Variants in GRIK3 observed in about 807,000 individuals in gnomAD.
The protein encoded by GRIK3 is glutamate ionotropic receptor kainate type subunit 3.
A neutral mutation model predicts 102.5 loss-of-function variants in GRIK3; 29 were observed. The ratio of observed to expected loss-of-function variants is 0.28; its 90% confidence interval spans 0.21 to 0.39. GRIK3 has a LOEUF of 0.39. GRIK3 is among the 10% of genes least tolerant of loss of function. GRIK3 has a pLI of 1.00. For missense variants in GRIK3, 908 were observed against 1,252.4 expected, an observed-to-expected ratio of 0.73 and a Z score of 4.15; for synonymous variants, 511 against 504.9, an observed-to-expected ratio of 1.01 and a Z score of -0.16.
chr1:36,947,612 AC>A (rs1236170208), intron 1 of GRIK3, among the ~76,000 whole-genome samples: 2 of 152,012 alleles, frequency 1.3e-5, no homozygotes, highest in Non-Finnish European at 2.9e-5. Flanking sequence ...ATTTCAGCTT[AC>A]ATGTCATCTT....
intron 9 of GRIK3, among the ~76,000 whole-genome samples, 163 bp from the exon 10 acceptor site, chr1:36,842,102 C>T (rs1391687987): frequency 6.6e-6 from 1 of 152,124 alleles, no homozygotes; most frequent in African/African-American, 2.4e-5. Flanking sequence ...AAGCACATGT[C>T]CTGAGAGCCA....
chr1:36,982,029 C>T (rs1305046969), intron 1 of GRIK3, among the ~76,000 whole-genome samples: 3 of 152,204 alleles, frequency 2.0e-5, no homozygotes, highest in Non-Finnish European at 1.5e-5. Context: ...CCTCCCCAGG[C>T]ACCCAGCGCT....
chr1:36,851,364 G>T (rs1378172395), intron 8 of GRIK3, among the ~76,000 whole-genome samples: 1 of 152,262 alleles, frequency 6.6e-6, no homozygotes, highest in African/African-American at 2.4e-5. Context: ...GAGTAGCTGT[G>T]TTTGGGAGCT....
chr1:36,994,387 A>C (rs190923687), intron 1 of GRIK3, among the ~76,000 whole-genome samples: 1 of 152,354 alleles, frequency 6.6e-6, no homozygotes, highest in East Asian at 1.9e-4. Context: ...TTTATCAAAC[A>C]ATTTACAAAT....
chr1:36,987,794 T>C (rs1642321826), intron 1 of GRIK3, among the ~76,000 whole-genome samples: 1 of 152,088 alleles, frequency 6.6e-6, no homozygotes, highest in Admixed American at 6.5e-5. Flanking sequence ...TGGGCTGTCC[T>C]CTGAGATGAG....
At chr1:36,937,409 C>T (rs535615592) in intron 1 of GRIK3, among the ~76,000 whole-genome samples, 4 of 152,304 alleles carry the variant, frequency 2.6e-5, no homozygotes, top group Admixed American at 2.6e-4. Context: ...GGACTCAGTT[C>T]TGCAGTCTAA....
intron 1 of GRIK3, among the ~76,000 whole-genome samples, chr1:36,997,553 G>A (rs1183193109): frequency 6.6e-6 from 1 of 152,206 alleles, no homozygotes; most frequent in African/African-American, 2.4e-5. Context: ...ACCCAGGTGG[G>A]TCAGGTTGCA....
At chr1:36,951,312 A>G (rs371918606) in intron 1 of GRIK3, among the ~76,000 whole-genome samples, 1 of 152,256 alleles carries the variant, frequency 6.6e-6, no homozygotes, top group African/African-American at 2.4e-5. Context: ...GATCACGATC[A>G]AGGACAATAC....
intron 1 of GRIK3, among the ~76,000 whole-genome samples, chr1:36,925,806 G>A (rs1035168342): frequency 1.3e-5 from 2 of 152,236 alleles, no homozygotes; most frequent in Non-Finnish European, 2.9e-5. Flanking sequence ...CTCAGTGCTG[G>A]TGTAGTGGGA....
At chr1:36,941,656 G>A (rs1570811515) in intron 1 of GRIK3, among the ~76,000 whole-genome samples, 1 of 152,220 alleles carries the variant, frequency 6.6e-6, no homozygotes. Context: ...GGTGTGGCTT[G>A]TATTCAATAG....
intron 1 of GRIK3, among the ~76,000 whole-genome samples, chr1:36,964,093 C>T (rs968523666): frequency 6.6e-6 from 1 of 152,300 alleles, no homozygotes; most frequent in South Asian, 2.1e-4. Flanking sequence ...GCTAAGAAGC[C>T]GTGGGCCTGG....
chr1:36,892,720 C>T (rs1641131383), intron 1 of GRIK3, among the ~76,000 whole-genome samples: 1 of 152,120 alleles, frequency 6.6e-6, no homozygotes, highest in Non-Finnish European at 1.5e-5. Flanking sequence ...TAAACATGAA[C>T]TAATGACCAA....
chr1:36,960,089 G>A (rs1013899228), intron 1 of GRIK3, among the ~76,000 whole-genome samples: 3 of 128,742 alleles, frequency 2.3e-5, no homozygotes, highest in Non-Finnish European at 5.1e-5. Context: ...CCATGACTCT[G>A]TGCCCCATAA....
At position 36,916,486 on chromosome 1, in the gene GRIK3, A is replaced by C. The variant is rs530728753; in HGVS notation, c.116-25390T>G. On this transcript the variant is annotated intron_variant, in intron 1 of 15. Coordinates refer to ENST00000373091, the MANE Select transcript of GRIK3 (RefSeq NM_000831.4). ...AGGGAATATCAGAGGTCTTCATGGC[A>C]GCCCCTCACATCACAGGCATGGAGA... 5.3e-5 allele frequency among the ~76,000 whole-genome samples: 8 copies of C among 152,340 alleles called. No homozygotes were observed. The South Asian group carries it at 1.7e-3, about 32-fold the overall frequency.
At chr1:36,840,964 G>A (rs1020842931) in intron 10 of GRIK3, among the ~76,000 whole-genome samples, 1 of 152,154 alleles carries the variant, frequency 6.6e-6, no homozygotes, top group African/African-American at 2.4e-5. Context: ...GTGTCAACAT[G>A]CCCAATTTAC....
intron 13 of GRIK3, among the ~76,000 whole-genome samples, chr1:36,815,714 G>A (rs906289122): frequency 6.6e-6 from 1 of 152,216 alleles, no homozygotes; most frequent in Admixed American, 6.5e-5. Context: ...TAGACCTCCT[G>A]AGTCAGAAAC....
chr1:36,933,487 G>C (rs1421051332), intron 1 of GRIK3, among the ~76,000 whole-genome samples: 1 of 152,138 alleles, frequency 6.6e-6, no homozygotes, highest in Non-Finnish European at 1.5e-5. Flanking sequence ...TCTCTGATTG[G>C]TAATCAATTT....
chr1:36,849,007 C>T (rs1012784630), intron 9 of GRIK3, among the ~76,000 whole-genome samples: 2 of 152,186 alleles, frequency 1.3e-5, no homozygotes, highest in Non-Finnish European at 2.9e-5. Flanking sequence ...CTGGAGCCAC[C>T]GTGAGATCTC....
chr1:36,910,462 T>G (rs1418881089), intron 1 of GRIK3, among the ~76,000 whole-genome samples: 2 of 152,170 alleles, frequency 1.3e-5, no homozygotes, highest in African/African-American at 4.8e-5. Context: ...GGCTGGAAGA[T>G]CCAGGCTCTG....
Sources: gnomAD v4.1 joint callset for allele counts (sites outside exome capture counted in the v4.1 genomes callset) on GRCh38, gnomAD v4.1.1 for gene constraint, MANE v1.5 for transcripts, NCBI Gene and HGNC (gene_info 2026-07-23, HGNC 2026-07-21) for gene names.